VIRMA: variants seen among roughly 807,000 people sequenced by gnomAD.
VIRMA encodes the protein protein virilizer homolog.
In VIRMA, 65 loss-of-function variants were observed where a neutral mutation model predicts 182.4. The ratio of observed to expected loss-of-function variants is 0.36; its 90% CI spans 0.29 to 0.44. VIRMA has a LOEUF of 0.44. Among genes scored for constraint, VIRMA ranks in the 20% least tolerant of loss-of-function variants. The pLI is 1.00. For missense variants in VIRMA, 1,752 were observed against 2,158.1 expected (o/e 0.81, Z 3.73); for synonymous variants, 709 against 743.1 (o/e 0.95, Z 0.75).
Position 94,529,313 on chromosome 8 carries a change from G to A in VIRMA, c.637C>T (p.His213Tyr), listed in dbSNP as rs1478805151. ...ATGGGCTCAAAGTAATCTTCTCTAT[G>A]AGGAGCATCCTCTTCCTTGTCACCA... is the stretch of plus-strand genomic sequence containing the variant. ...VSGDKEEDAP[H>Y]REDYFEPISP... Residue 213 changes from histidine to tyrosine, a missense_variant, in exon 7 of 24, where the codon CAT (histidine) becomes TAT (tyrosine). By Grantham distance (83) the His-to-Tyr change is moderately conservative. Around this residue, in one of 11 missense-constraint regions of VIRMA, gnomAD observed 114 missense variants for 106.9 expected, o/e 1.07. Coordinates refer to ENST00000297591, the MANE Select transcript of VIRMA (RefSeq NM_015496.5). 6.2e-7 allele frequency: 1 copy of A among 1,611,794 alleles called. No individual in the cohort carries two copies. Among genetic ancestry groups the A allele is most frequent in the South Asian group, 1.1e-5 (1 of 91,030 alleles).
At chr8:94,523,252 T>A (rs1814837643) in intron 8 of VIRMA, among the ~76,000 whole-genome samples, 1 of 152,212 alleles carries the variant, frequency 6.6e-6, no homozygotes, top group South Asian at 2.1e-4. Context: ...TCCTACATCA[T>A]AAACATCTCC....
At chr8:94,531,278 G>A (rs1317374226) in intron 5 of VIRMA, among the ~76,000 whole-genome samples, 193 bp from the exon 6 acceptor site, 1 of 152,110 alleles carries the variant, frequency 6.6e-6, no homozygotes, top group East Asian at 1.9e-4. Context: ...AGGTTCCTCG[G>A]GGCCAACGTC....
At chr8:94,553,045 G>T (rs3133657) in intron 1 of VIRMA, among the ~76,000 whole-genome samples, 90,884 of 151,882 alleles carry the variant, frequency 0.6, 27,498 homozygotes, top group East Asian at 0.81. Flanking sequence ...AACACTACTG[G>T]CAAACCAAGA....
Position 94,511,174 on chromosome 8 carries a change from G to T in VIRMA, c.3390+11C>A. The T allele has an allele frequency of 1.2e-6, 2 of 1,609,538 alleles. No individual in the cohort carries two copies. Among genetic ancestry groups the T allele is most frequent in the Non-Finnish European group, 1.7e-6 (2 of 1,178,950 alleles). ...GTCATTTATAAGATGCATGTTATAT[G>T]GAAGTGATACCTGAGTTGTTTGCAT... On this transcript the variant is annotated intron_variant, in intron 13 of 23. Transcript: ENST00000297591.
chr8:94,514,840 G>A (rs773094736), intron 11 of VIRMA, 29 bp downstream of exon 11: 7 of 1,231,472 alleles, frequency 5.7e-6, no homozygotes, highest in African/African-American at 1.5e-5. Context: ...GTTTCAAAAA[G>A]TCAAAGCACT....
Position 94,519,065 on chromosome 8 carries a change from A to G in VIRMA, c.2433T>C (p.Ala811=). 6.2e-7 allele frequency: 1 copy of G among 1,614,018 alleles called. No individual in the cohort carries two copies. The highest frequency in any genetic ancestry group is 1.1e-5 in the South Asian group (1 of 91,064). The part of the protein sequence containing the change: ...LITFNPVGRS[A]VGHVFSLEKN... ...TCTCCAGACTAAAAACATGGCCAAC[A>G]GCTGATCTTCCCACAGGATTAAAAG... The change falls in exon 9 of 24, where the codon GCT becomes GCC. Residue 811 remains alanine, a synonymous_variant. Transcript: ENST00000297591.
chr8:94,493,140 C>CA (rs35769474), intron 20 of VIRMA, among the ~76,000 whole-genome samples: 1 of 151,876 alleles, frequency 6.6e-6, no homozygotes, highest in African/African-American at 2.4e-5. Flanking sequence ...TGAACTTTTC[C>CA]AAAAAAAGAA....
At chr8:94,515,747 G>A (rs1385316102) in intron 10 of VIRMA, among the ~76,000 whole-genome samples, 1 of 152,042 alleles carries the variant, frequency 6.6e-6, no homozygotes, top group East Asian at 1.9e-4. Context: ...ATGTTTACAT[G>A]CTTAAATAGT....
Position 94,487,735 on chromosome 8 carries a change from CAG to C in VIRMA, c.*969_*970del, listed in dbSNP as rs1269424142. 5.3e-5 allele frequency: 8 copies of C among 152,308 alleles called. No individual in the cohort carries two copies. In the East Asian group the frequency reaches 1.5e-3, roughly 29 times the overall value. The allele number at this position is 152,308 out of a possible 1,614,324, so 9.4% of individuals were successfully genotyped here. On this transcript the variant is annotated 3_prime_UTR_variant, in exon 24 of 24. Transcript: ENST00000297591. ...GTATTTTACGCCACTTATATAGACT[CAG>C]TGTGTTAAGACGTATCTTGGGGAAA...
At position 94,543,924 on chromosome 8, in the gene VIRMA, C is replaced by A; in HGVS notation, c.82G>T (p.Val28Leu). 1.9e-6 allele frequency: 3 copies of A among 1,604,398 alleles called. No individual in the cohort carries two copies. The highest frequency in any genetic ancestry group is 2.6e-6 in the Non-Finnish European group (3 of 1,172,944). Reference protein sequence around the residue: ...PSAEQSSHIDVVRFPCVVYIN... With the variant: ...PSAEQSSHIDLVRFPCVVYIN... ...TAAACCACACATGGAAAACGAACCACATCTATATGAGAACTTTGCTGTAAC... is the reference window on the plus strand; with the variant it reads ...TAAACCACACATGGAAAACGAACCAAATCTATATGAGAACTTTGCTGTAAC... Residue 28 changes from valine (V) to leucine (L), a missense_variant, in exon 2 of 24, where the codon GTG (valine) becomes TTG (leucine). By Grantham distance (32) the Val-to-Leu change is conservative. Around this residue, in one of 11 missense-constraint regions of VIRMA, gnomAD observed 195 missense variants for 191.7 expected, o/e 1.02. Coordinates refer to ENST00000297591, the MANE Select transcript of VIRMA (RefSeq NM_015496.5).
At chr8:94,518,430 T>C (rs139992189) in intron 9 of VIRMA, among the ~76,000 whole-genome samples, 9 of 152,340 alleles carry the variant, frequency 5.9e-5, no homozygotes, top group Non-Finnish European at 1.3e-4. Flanking sequence ...CTCAAGGAGT[T>C]ATACACCCAG....
intron 11 of VIRMA, chr8:94,512,517 C>G (rs1049812708): frequency 5.9e-5 from 9 of 152,288 alleles, no homozygotes; most frequent in African/African-American, 1.7e-4. Flanking sequence ...TGGCTCACAC[C>G]TATAATTCCA....
rs1003697515 is a variant in VIRMA, at chr8:94,488,567, A to G, written c.*139T>C. ...ATTGAAATCTTGTTAGGTATCAAAC[A>G]AATTCTGCTTTCTTCAGATAAAAAT... On this transcript the variant is annotated 3_prime_UTR_variant, in exon 24 of 24. Coordinates refer to ENST00000297591, the MANE Select transcript of VIRMA (RefSeq NM_015496.5). 3.4e-5 allele frequency: 25 copies of G among 743,502 alleles called. No individual in the cohort carries two copies. Among genetic ancestry groups the G allele is most frequent in the Non-Finnish European group, 4.9e-5 (24 of 486,764 alleles). The allele number at this position is 743,502 out of a possible 1,614,324, so 46.1% of individuals were successfully genotyped here.
chr8:94,530,855 T>G, intron 6 of VIRMA, 108 bp downstream of exon 6: 1 of 1,220,230 alleles, frequency 8.2e-7, no homozygotes, highest in Non-Finnish European at 1.1e-6. Flanking sequence ...AAGACTGCAG[T>G]GAGCCACTGT....
intron 8 of VIRMA, among the ~76,000 whole-genome samples, chr8:94,522,044 G>T (rs1814790124): frequency 6.6e-6 from 1 of 152,138 alleles, no homozygotes; most frequent in Non-Finnish European, 1.5e-5. Context: ...AAACAATATG[G>T]TTATGCTGAA....
intron 2 of VIRMA, among the ~76,000 whole-genome samples, chr8:94,542,811 C>T (rs1815606235): frequency 6.6e-6 from 1 of 152,180 alleles, no homozygotes; most frequent in South Asian, 2.1e-4. Context: ...GACTTTATAC[C>T]TATTTCTACA....
chr8:94,519,064 C>T lies in VIRMA; in HGVS notation c.2434G>A (p.Val812Ile). 6.2e-7 allele frequency: 1 copy of T among 1,613,890 alleles called. No individual in the cohort carries two copies. The highest frequency in any genetic ancestry group is 8.5e-7 in the Non-Finnish European group (1 of 1,179,930). ...ITFNPVGRSA[V>I]GHVFSLEKNL... ...TTCTCCAGACTAAAAACATGGCCAA[C>T]AGCTGATCTTCCCACAGGATTAAAA... Residue 812 changes from valine to isoleucine, a missense_variant, in exon 9 of 24, where the codon GTT (valine) becomes ATT (isoleucine). Coordinates refer to ENST00000297591, the MANE Select transcript of VIRMA (RefSeq NM_015496.5).
chr8:94,544,717 A>G lies in VIRMA; in HGVS notation c.64-775T>C, dbSNP rs141931615. 3.1e-3 allele frequency among the ~76,000 whole-genome samples: 468 copies of G among 151,812 alleles called. 3 individuals carry two copies. Among genetic ancestry groups the G allele is most frequent in the African/African-American group, 0.01 (428 of 41,442 alleles). On this transcript the variant is annotated intron_variant, in intron 1 of 23. Transcript: ENST00000297591. ...ATTATAACAAGCACCATATCAGTTCAGATTAGACTGCATGGCCAAATGAAT... is the reference window on the plus strand; with the variant it reads ...ATTATAACAAGCACCATATCAGTTCGGATTAGACTGCATGGCCAAATGAAT...
At chr8:94,511,771 T>TA in intron 12 of VIRMA, 42 bp from the exon 13 acceptor site, 1 of 1,349,674 alleles carries the variant, frequency 7.4e-7, no homozygotes, top group Non-Finnish European at 1.0e-6. Context: ...TAATTACTTA[T>TA]ATGTTAATAA....
Sources: gnomAD v4.1 joint callset for allele counts (sites outside exome capture counted in the v4.1 genomes callset) on GRCh38, gnomAD v4.1.1 for gene constraint, gnomAD v4.1.1 regional missense constraint, MANE v1.5 for transcripts, NCBI Gene and HGNC (gene_info 2026-07-23, HGNC 2026-07-21) for gene names.